Variants in CCDC38 observed in about 807,000 individuals in gnomAD.
The protein encoded by CCDC38 is coiled-coil domain-containing protein 38.
In CCDC38, 69 loss-of-function variants were observed where a neutral mutation model predicts 72.8. That is an observed-to-expected ratio of 0.95 (90% CI 0.78 to 1.16). CCDC38 has a LOEUF of 1.16. Among genes scored for constraint, CCDC38 ranks in the 50% most tolerant of loss-of-function variants. The pLI, the probability that CCDC38 is intolerant of heterozygous loss-of-function variation, is 0.00. For synonymous variants in CCDC38, 201 were observed against 213.2 expected (o/e 0.94, Z 0.50); for missense variants, 626 against 638.9 (o/e 0.98, Z 0.22).
intron 14 of CCDC38, among the ~76,000 whole-genome samples, chr12:95,870,285 A>G (rs187870701): frequency 2.0e-5 from 3 of 152,222 alleles, no homozygotes; most frequent in Admixed American, 6.5e-5. Context: ...TGTGAGCAAG[A>G]AATGCTATTT....
intron 4 of CCDC38, among the ~76,000 whole-genome samples, chr12:95,915,109 CA>C (rs1320909243): frequency 1.3e-5 from 2 of 152,206 alleles, no homozygotes; most frequent in Non-Finnish European, 2.9e-5. Context: ...TTCACCATTT[CA>C]GCTTACTTTG....
chr12:95,869,406 A>G (rs2079555953), intron 15 of CCDC38, 74 bp downstream of exon 15: 1 of 1,107,402 alleles, frequency 9.0e-7, no homozygotes, highest in Non-Finnish European at 1.3e-6. Context: ...GATAAGTTAG[A>G]CGAATAAAGT....
At chr12:95,920,542 A>G (rs1048864638) in intron 2 of CCDC38, among the ~76,000 whole-genome samples, 3 of 152,254 alleles carry the variant, frequency 2.0e-5, no homozygotes, top group African/African-American at 7.2e-5. Context: ...ATGAAGTACA[A>G]TATATGCTAC....
Position 95,918,145 on chromosome 12 carries a change from G to A in CCDC38, c.138+731C>T, listed in dbSNP as rs577469434. ...ACTTTTACCTCTGGAAAGAAAGAAA[G>A]TAAATCTACTGAAATGTGAACCAGG... On this transcript the variant is annotated intron_variant, in intron 3 of 15. Transcript: ENST00000344280. 1.1e-4 allele frequency among the ~76,000 whole-genome samples: 17 copies of A among 152,308 alleles called. No individual in the cohort carries two copies. In the South Asian group the frequency reaches 3.5e-3, roughly 32 times the overall value.
chr12:95,920,935 C>T (rs568424173), intron 2 of CCDC38, among the ~76,000 whole-genome samples: 68 of 138,786 alleles, frequency 4.9e-4, no homozygotes, highest in Middle Eastern at 3.6e-3. Flanking sequence ...TCGAGACCAG[C>T]GTGACCAACG....
At position 95,867,343 on chromosome 12, in the gene CCDC38, C is replaced by T. The variant is rs74787561; in HGVS notation, c.1579-154G>A. On this transcript the variant is annotated intron_variant, in intron 15 of 15. Coordinates refer to ENST00000344280, the MANE Select transcript of CCDC38 (RefSeq NM_182496.3). ...CAGTTAAAAGGGACTTATAACCTAA[C>T]GGATGTCTAACATGCTAGGCAAAGT... Among the ~76,000 whole-genome samples the T allele has an allele frequency of 8.2e-3, 1,253 of 152,108 alleles. 17 individuals carry two copies. Among genetic ancestry groups the T allele is most frequent in the African/African-American group, 0.026 (1,095 of 41,422 alleles).
chr12:95,898,456 C>T lies in CCDC38; in HGVS notation c.543G>A (p.Gln181=), dbSNP rs1248586428. 1 of 1,614,104 alleles carries T rather than the reference C, an allele frequency of 6.2e-7. No homozygotes were observed. The highest frequency in any genetic ancestry group is 8.5e-7 in the Non-Finnish European group (1 of 1,180,018). ...TCATTTGGAGTTTGTTTATTGTTTC[C>T]TGTGCTGCCCTGAAAAGCAATGAAG... ...RSVDALKMAA[Q]ETINKLQMTA... The change falls in exon 7 of 16, where the codon CAG becomes CAA. Residue 181 remains glutamine (Q), a synonymous_variant. Transcript: ENST00000344280.
chr12:95,930,137 G>A (rs1005568771), intron 2 of CCDC38, among the ~76,000 whole-genome samples: 2 of 152,044 alleles, frequency 1.3e-5, no homozygotes, highest in Admixed American at 6.5e-5. Flanking sequence ...ACCATTTGTG[G>A]AGGGCCACTA....
chr12:95,909,917 C>T (rs528756160), intron 4 of CCDC38, among the ~76,000 whole-genome samples: 2 of 152,116 alleles, frequency 1.3e-5, no homozygotes, highest in Non-Finnish European at 2.9e-5. Flanking sequence ...TACTAACAGC[C>T]ATCTATGACA....
chr12:95,925,301 A>C (rs1384119777), intron 2 of CCDC38, among the ~76,000 whole-genome samples: 1 of 152,132 alleles, frequency 6.6e-6, no homozygotes, highest in Non-Finnish European at 1.5e-5. Flanking sequence ...TCTTTGAAGC[A>C]ATTGTGAATG....
At chr12:95,900,277 C>T (rs1455737653) in intron 5 of CCDC38, among the ~76,000 whole-genome samples, 2 of 152,140 alleles carry the variant, frequency 1.3e-5, no homozygotes, top group East Asian at 1.9e-4. Flanking sequence ...ATGCCATAAT[C>T]CCAAATGTCA....
Position 95,878,279 on chromosome 12 carries a change from C to T in CCDC38, c.1210G>A (p.Glu404Lys), listed in dbSNP as rs778400007. Residue 404 changes from glutamate (E) to lysine (K), a missense_variant, in exon 13 of 16, where the codon GAG (glutamate) becomes AAG (lysine). Coordinates refer to ENST00000344280, the MANE Select transcript of CCDC38 (RefSeq NM_182496.3). ...MLKANCVREEEKAAELQLKSK... is the reference protein window; with the variant it reads ...MLKANCVREEKKAAELQLKSK... ...TTTAATTGCAATTCTGCTGCTTTCT[C>T]TTCTTCTCTCACACAGTTAGCTTTA... 3.7e-6 allele frequency: 6 copies of T among 1,613,640 alleles called. No homozygotes were observed. The highest frequency in any genetic ancestry group is 1.1e-5 in the South Asian group (1 of 91,066).
chr12:95,890,754 GCTTGTAGTC>G, intron 9 of CCDC38, 69 bp downstream of exon 9: 1 of 828,156 alleles, frequency 1.2e-6, no homozygotes, highest in Non-Finnish European at 2.0e-6. Context: ...TTCCAGGTTG[GCTTGTAGTC>G]CTCTGTCTCC....
intron 4 of CCDC38, among the ~76,000 whole-genome samples, chr12:95,914,690 T>C (rs1029555886): frequency 3.3e-5 from 5 of 152,232 alleles, no homozygotes; most frequent in Non-Finnish European, 5.9e-5. Context: ...AATACCTTTT[T>C]GGAATTTTAA....
Position 95,879,527 on chromosome 12 carries a change from A to G in CCDC38, c.1142+117T>C. On this transcript the variant is annotated intron_variant, in intron 12 of 15. Transcript: ENST00000344280. This position sits in a 1 kb window ranked among gnomAD's most constrained non-coding sequence, Gnocchi z 5.5. ...TGCACTCCACAATGTAAACTATTAAAAACCCCAGCCTACATTCACAGAGAC... is the reference window on the plus strand; with the variant it reads ...TGCACTCCACAATGTAAACTATTAAGAACCCCAGCCTACATTCACAGAGAC... 1.6e-6 allele frequency: 1 copy of G among 637,104 alleles called. No homozygotes were observed. The highest frequency in any genetic ancestry group is 2.6e-6 in the Non-Finnish European group (1 of 378,852). 39.5% of individuals were successfully genotyped at this position (637,104 alleles called of 1,614,324 possible). A position where few individuals can be genotyped will look rare whatever the true frequency, so the allele number is the denominator to read the frequency against.
intron 1 of CCDC38, among the ~76,000 whole-genome samples, chr12:95,940,385 A>C (rs1343645117): frequency 2.0e-5 from 3 of 152,216 alleles, no homozygotes; most frequent in Non-Finnish European, 4.4e-5. Flanking sequence ...ACCAACTCTA[A>C]ATAAAATGAA....
At chr12:95,901,569 G>C (rs1041091893) in intron 5 of CCDC38, among the ~76,000 whole-genome samples, 3 of 152,178 alleles carry the variant, frequency 2.0e-5, no homozygotes, top group African/African-American at 7.2e-5. Flanking sequence ...AACACTTGAA[G>C]ATCAGGGAGA....
intron 7 of CCDC38, among the ~76,000 whole-genome samples, chr12:95,895,589 T>TA (rs950215487): frequency 4.6e-5 from 7 of 150,954 alleles, no homozygotes; most frequent in Non-Finnish European, 1.5e-5. Flanking sequence ...CCGTCTTTAC[T>TA]AAAAATAGAA....
intron 7 of CCDC38, among the ~76,000 whole-genome samples, chr12:95,897,104 G>A (rs897842354): frequency 3.9e-5 from 6 of 152,140 alleles, no homozygotes; most frequent in African/African-American, 7.2e-5. Flanking sequence ...AGTGCAGTTG[G>A]TTTCAGAGAA....
Sources: allele counts gnomAD v4.1 joint callset (sites outside exome capture counted in the v4.1 genomes callset), GRCh38; gene constraint gnomAD v4.1.1; non-coding constraint Gnocchi (gnomAD v3.1); transcripts MANE v1.5; gene names NCBI Gene and HGNC (gene_info 2026-07-23, HGNC 2026-07-21).